The following CPAMD8 variants were observed in gnomAD, a reference collection of about 807,000 sequenced individuals.
CPAMD8 encodes C3 and PZP like alpha-2-macroglobulin domain containing 8.
A neutral mutation model predicts 224.7 loss-of-function variants in CPAMD8; 146 were observed. The observed-to-expected ratio is 0.65, with a 90% CI of 0.57 to 0.75. The LOEUF is 0.75. Among genes scored for constraint, CPAMD8 ranks in the 30% least tolerant of loss-of-function variants. The pLI is 0.00. For missense variants in CPAMD8, 2,301 were observed against 2,537.5 expected, an observed-to-expected ratio of 0.91 and a Z score of 2.00; for synonymous variants, 966 against 1,044.6, an observed-to-expected ratio of 0.92 and a Z score of 1.45.
intron 19 of CPAMD8, among the ~76,000 whole-genome samples, chr19:16,957,235 G>T (rs573773333): frequency 6.6e-6 from 1 of 152,208 alleles, no homozygotes; most frequent in Non-Finnish European, 1.5e-5. Context: ...CTGGAGGAAG[G>T]GCACAGCTCC....
chr19:16,893,071 C>T lies in CPAMD8; in HGVS notation c.*37G>A. The T allele has an allele frequency of 2.1e-6, 2 of 958,408 alleles. No individual in the cohort carries two copies. The highest frequency in any genetic ancestry group is 3.4e-6 in the Non-Finnish European group (2 of 583,362). The allele number at this position is 958,408 out of a possible 1,614,324, so 59.4% of individuals were successfully genotyped here. A position where few individuals can be genotyped will look rare whatever the true frequency, so the allele number is the denominator to read the frequency against. ...GTGTGGGTATGAATGGTCCCCAGGA[C>T]CAAACTGCGGTCCCACAACTGCATG... On this transcript the variant is annotated 3_prime_UTR_variant, in exon 42 of 42. Coordinates refer to ENST00000443236, the MANE Select transcript of CPAMD8 (RefSeq NM_015692.5).
intron 23 of CPAMD8, 140 bp downstream of exon 23, chr19:16,938,255 C>G: frequency 1.8e-6 from 1 of 542,318 alleles, no homozygotes; most frequent in Non-Finnish European, 3.2e-6. Flanking sequence ...TCTTCCTAAA[C>G]CACAGTGCCC....
intron 31 of CPAMD8, 38 bp from the exon 32 acceptor site, chr19:16,904,400 G>C (rs1175159728): frequency 6.2e-7 from 1 of 1,613,958 alleles, no homozygotes; most frequent in South Asian, 1.1e-5. Flanking sequence ...TTTTGACACA[G>C]GGACATGGAC....
At chr19:16,919,177 T>G (rs1462323422) in intron 27 of CPAMD8, among the ~76,000 whole-genome samples, 2 of 150,984 alleles carry the variant, frequency 1.3e-5, no homozygotes, top group Non-Finnish European at 2.9e-5. Context: ...AACTCCAGCT[T>G]GGGTGATAGG....
chr19:16,914,891 C>G, intron 27 of CPAMD8, 78 bp from the exon 28 acceptor site: 10 of 1,027,850 alleles, frequency 9.7e-6, no homozygotes, highest in Non-Finnish European at 1.3e-5. Context: ...TTGCAGCAAG[C>G]TCCTGGCACC....
At chr19:16,945,755 C>T in intron 21 of CPAMD8, 76 bp from the exon 22 acceptor site, 1 of 1,388,570 alleles carries the variant, frequency 7.2e-7, no homozygotes, top group Non-Finnish European at 1.0e-6. Flanking sequence ...TATCCTTATC[C>T]CAGATGTGTG....
At chr19:16,934,121 T>C (rs1371145792) in intron 23 of CPAMD8, among the ~76,000 whole-genome samples, 1 of 151,982 alleles carries the variant, frequency 6.6e-6, no homozygotes, top group Non-Finnish European at 1.5e-5. Flanking sequence ...TTCTGGAAAA[T>C]ACAAACTAAT....
Position 16,929,168 on chromosome 19 carries a change from A to G in CPAMD8, c.2918T>C (p.Phe973Ser), listed in dbSNP as rs1161825989. ...ATTGTGAGCTCGCACAGCCACATCA[A>G]AGCGGGTGAGGCGCAGTGGCCGCTG... ...YVQRPLRLTRFDVAVRAHNDA... is the reference protein window; with the variant it reads ...YVQRPLRLTRSDVAVRAHNDA... The change falls in exon 24 of 42, where the codon TTT becomes TCT. Residue 973 changes from phenylalanine to serine, a missense_variant. Phe to Ser is a radical substitution (Grantham distance 155). Transcript: ENST00000443236. The G allele has an allele frequency of 1.2e-6, 2 of 1,614,116 alleles. No individual in the cohort carries two copies. Among genetic ancestry groups the G allele is most frequent in the Non-Finnish European group, 1.7e-6 (2 of 1,179,982 alleles).
In CPAMD8 at chr19:16,914,496, A is replaced by C. The variant is rs1233082630; in HGVS notation, c.3789T>G (p.Gly1263=). Residue 1263 remains glycine, a splice_region_variant and synonymous_variant, in exon 29 of 42, where the codon GGT becomes GGG. Coordinates refer to ENST00000443236, the MANE Select transcript of CPAMD8 (RefSeq NM_015692.5). ...TCAGCGGGACAGTGCCGTGGATCCC[A>C]CCCTGCAAGGGGACTCACAGGCCTC... ...VGRVLNKDIQ[G]GIHGTVPLTA... 5 of 1,613,966 alleles carry C rather than the reference A, an allele frequency of 3.1e-6. No homozygotes were observed. The highest frequency in any genetic ancestry group is 2.5e-6 in the Non-Finnish European group (3 of 1,179,928).
chr19:16,934,528 C>A (rs2053631438), intron 23 of CPAMD8, among the ~76,000 whole-genome samples: 1 of 152,084 alleles, frequency 6.6e-6, no homozygotes, highest in Admixed American at 6.6e-5. Context: ...CATTCTGAGG[C>A]TGTCTTGAAA....
intron 17 of CPAMD8, among the ~76,000 whole-genome samples, chr19:16,974,267 G>T (rs1052561887): frequency 2.6e-5 from 4 of 152,040 alleles, no homozygotes; most frequent in African/African-American, 9.7e-5. Flanking sequence ...GAGTAGCTGG[G>T]ACTACAGGCG....
Position 16,902,712 on chromosome 19 carries a change from T to C in CPAMD8, c.4622A>G (p.Asp1541Gly), listed in dbSNP as rs201900583. ...ATGCTGATCGGCCGCTGGGTCATCA[T>C]CGTCAGCTGGGGGCCAGTCTCCTCG... ...GSRGDWPPAD[D>G]DDPAADQHHQ... Residue 1541 changes from aspartate to glycine, a missense_variant, in exon 35 of 42, where the codon GAT (aspartate) becomes GGT (glycine). Asp to Gly is a moderately conservative substitution (Grantham distance 94, BLOSUM62 -1). Coordinates refer to ENST00000443236, the MANE Select transcript of CPAMD8 (RefSeq NM_015692.5). 5.6e-6 allele frequency: 9 copies of C among 1,606,026 alleles called. No individual in the cohort carries two copies. The highest frequency in any genetic ancestry group is 2.2e-5 in the South Asian group (2 of 90,658).
chr19:16,953,588 C>T (rs955379066), intron 19 of CPAMD8, among the ~76,000 whole-genome samples: 2 of 148,976 alleles, frequency 1.3e-5, no homozygotes, highest in Non-Finnish European at 3.0e-5. Flanking sequence ...GTAGACCCAG[C>T]TACTTGGGAG....
chr19:16,961,695 AC>A (rs936430756), intron 18 of CPAMD8, among the ~76,000 whole-genome samples: 2 of 152,216 alleles, frequency 1.3e-5, no homozygotes, highest in African/African-American at 4.8e-5. Context: ...AGCTCTGAGA[AC>A]GGACAGACTG....
Position 16,981,090 on chromosome 19 carries a change from C to T in CPAMD8, c.1396-404G>A, listed in dbSNP as rs547259412. 2.0e-4 allele frequency among the ~76,000 whole-genome samples: 31 copies of T among 152,028 alleles called. 1 individual carries two copies. The highest frequency in any genetic ancestry group is 1.7e-3 in the South Asian group (8 of 4,820). Reference sequence around the variant, plus strand: ...TCGTGATCCCAGTATTTTGGGCTCACGCCTGTAATCCCAGCACTTTGGGGG... The same window carrying T: ...TCGTGATCCCAGTATTTTGGGCTCATGCCTGTAATCCCAGCACTTTGGGGG... On this transcript the variant is annotated intron_variant, in intron 13 of 41. Transcript: ENST00000443236.
chr19:16,985,310 G>A (rs1194101406), intron 13 of CPAMD8, among the ~76,000 whole-genome samples: 5 of 146,614 alleles, frequency 3.4e-5, no homozygotes, highest in Non-Finnish European at 7.5e-5. Flanking sequence ...TGTATGGATG[G>A]ATGGATGAAG....
chr19:17,019,030 A>G (rs1272808074), intron 3 of CPAMD8, among the ~76,000 whole-genome samples: 2 of 152,206 alleles, frequency 1.3e-5, no homozygotes, highest in African/African-American at 4.8e-5. Flanking sequence ...GGAAATTCCA[A>G]TTACAGAGAC....
intron 29 of CPAMD8, among the ~76,000 whole-genome samples, chr19:16,913,109 T>G (rs1825503843): frequency 6.6e-6 from 1 of 152,056 alleles, no homozygotes; most frequent in South Asian, 2.1e-4. Flanking sequence ...GCATCCTGGG[T>G]GCTGTCCATT....
At chr19:16,944,275 T>C (rs556039910) in intron 22 of CPAMD8, among the ~76,000 whole-genome samples, 3 of 152,196 alleles carry the variant, frequency 2.0e-5, no homozygotes, top group Non-Finnish European at 4.4e-5. Context: ...GCTTTTCTAA[T>C]TGTAGCTTCA....
Sources: gnomAD v4.1 joint callset for allele counts (sites outside exome capture counted in the v4.1 genomes callset) on GRCh38, gnomAD v4.1.1 for gene constraint, MANE v1.5 for transcripts, NCBI Gene and HGNC (gene_info 2026-07-23, HGNC 2026-07-21) for gene names.